Variants in SORL1 observed in about 807,000 individuals in gnomAD.
SORL1 encodes sortilin-related receptor.
A neutral mutation model predicts 273.7 loss-of-function variants in SORL1; 127 were observed. The observed-to-expected ratio is 0.46, with a 90% confidence interval of 0.40 to 0.54. SORL1 has a LOEUF of 0.54. SORL1 is among the 20% of genes least tolerant of loss of function. SORL1 has a pLI of 0.00. For missense variants in SORL1, 2,494 were observed against 2,846.1 expected (o/e 0.88, Z 2.81); for synonymous variants, 1,031 against 1,067.4 (o/e 0.97, Z 0.66).
intron 6 of SORL1, among the ~76,000 whole-genome samples, chr11:121,504,422 A>T (rs1364087752): frequency 1.3e-5 from 2 of 152,116 alleles, no homozygotes; most frequent in African/African-American, 4.8e-5. Flanking sequence ...AAAAAAAAAA[A>T]TTTCCTAAGT....
At chr11:121,586,358 A>G in intron 27 of SORL1, 29 bp downstream of exon 27, 20 of 1,518,998 alleles carry the variant, frequency 1.3e-5, no homozygotes, top group Non-Finnish European at 1.8e-5. Context: ...CCCAGGAAGC[A>G]CTCAGGCCTA....
chr11:121,510,852 TGGGAGG>T (rs2134841648), intron 6 of SORL1, among the ~76,000 whole-genome samples: 1 of 152,062 alleles, frequency 6.6e-6, no homozygotes, highest in East Asian at 1.9e-4. Flanking sequence ...CAGGGTAGAG[TGGGAGG>T]AGGGATGTGG....
rs140327834 is a variant in SORL1, at chr11:121,625,107, A to T, written c.6194A>T (p.Asp2065Val). Residue 2065 changes from aspartate to valine, a missense_variant, in exon 46 of 48, where the codon GAT becomes GTT. By Grantham distance (152) the Asp-to-Val change is radical. Around this residue, in one of 3 missense-constraint regions of SORL1, gnomAD observed 1,609 missense variants for 1,816.4 expected, o/e 0.89. Transcript: ENST00000260197. ...CAGGGCTATGAGATACACATGTTTG[A>T]TAGTGCCATGAATATCACAGCTTAC... ...ESRGYEIHMF[D>V]SAMNITAYLG... 3.3e-3 allele frequency: 5,264 copies of T among 1,612,590 alleles called. 14 individuals carry two copies. Among genetic ancestry groups the T allele is most frequent in the Non-Finnish European group, 4.0e-3 (4,681 of 1,178,932 alleles).
intron 18 of SORL1, among the ~76,000 whole-genome samples, chr11:121,556,722 G>A (rs1017111318): frequency 1.3e-5 from 2 of 152,216 alleles, no homozygotes; most frequent in Admixed American, 6.5e-5. Context: ...AGGCCTGGCA[G>A]TGAGGTTTGA....
At chr11:121,584,197 C>G (rs1041365526) in intron 26 of SORL1, among the ~76,000 whole-genome samples, 2 of 152,150 alleles carry the variant, frequency 1.3e-5, no homozygotes, top group Non-Finnish European at 2.9e-5. Flanking sequence ...AAGGTTCTGA[C>G]CAGTTTTTGA....
chr11:121,540,208 A>G (rs1254919126), intron 12 of SORL1, among the ~76,000 whole-genome samples: 8 of 152,154 alleles, frequency 5.3e-5, no homozygotes, highest in African/African-American at 1.9e-4. Flanking sequence ...GGTATCTACC[A>G]CACTTCTTCC....
intron 6 of SORL1, among the ~76,000 whole-genome samples, chr11:121,510,775 C>T (rs756089229): frequency 1.9e-4 from 29 of 152,116 alleles, no homozygotes; most frequent in Non-Finnish European, 3.4e-4. Context: ...TGTACATATG[C>T]TTGCATGTGG....
chr11:121,590,567 C>A, intron 30 of SORL1: 1 of 560,166 alleles, frequency 1.8e-6, no homozygotes, highest in South Asian at 2.1e-5. Flanking sequence ...ATTTGAGGAG[C>A]ACTCATGTGG....
At position 121,531,377 on chromosome 11, in the gene SORL1, G is replaced by C. The variant is rs142689623; in HGVS notation, c.1597-1087G>C. Among the ~76,000 whole-genome samples, 736 of 152,300 alleles carry C rather than the reference G, an allele frequency of 4.8e-3. 5 individuals are homozygous for C. The highest frequency in any genetic ancestry group is 0.017 in the African/African-American group (700 of 41,566). On this transcript the variant is annotated intron_variant, in intron 11 of 47. Transcript: ENST00000260197. The stretch of plus-strand genomic sequence containing the variant: ...CCACTGCACTCCAGCCTGGGCAACA[G>C]AGTGAGAATTTGTCTCAAAAAATAA...
At chr11:121,474,904 C>A (rs1861238748) in intron 2 of SORL1, among the ~76,000 whole-genome samples, 1 of 152,216 alleles carries the variant, frequency 6.6e-6, no homozygotes, top group South Asian at 2.1e-4. Context: ...TAACTGTGCA[C>A]CAGCTTTAAG....
At chr11:121,545,951 C>T (rs1266019640) in intron 14 of SORL1, among the ~76,000 whole-genome samples, 1 of 152,156 alleles carries the variant, frequency 6.6e-6, no homozygotes, top group African/African-American at 2.4e-5. Context: ...GCAAGTGCCT[C>T]AGAGGAGGAA....
At chr11:121,477,233 C>T (rs1443541538) in intron 2 of SORL1, among the ~76,000 whole-genome samples, 2 of 152,210 alleles carry the variant, frequency 1.3e-5, no homozygotes, top group Non-Finnish European at 2.9e-5. Context: ...CAGGTAGGTA[C>T]ATCTCACAGT....
chr11:121,614,173 T>A (rs989690556), intron 40 of SORL1: 6 of 152,262 alleles, frequency 3.9e-5, no homozygotes, highest in African/African-American at 1.4e-4. Context: ...GATACATATT[T>A]GTTTCAGAAA....
intron 16 of SORL1, among the ~76,000 whole-genome samples, chr11:121,553,134 G>T (rs1362772320): frequency 6.6e-6 from 1 of 152,210 alleles, no homozygotes; most frequent in Non-Finnish European, 1.5e-5. Flanking sequence ...TCTGGATCCA[G>T]AGTGCCTGGG....
intron 3 of SORL1, among the ~76,000 whole-genome samples, chr11:121,480,237 C>T (rs1288697320): frequency 6.6e-6 from 1 of 151,984 alleles, no homozygotes; most frequent in Non-Finnish European, 1.5e-5. Flanking sequence ...CAGATTTAAC[C>T]ATTAAACAAT....
At chr11:121,626,858 A>G (rs1863801996) in intron 46 of SORL1, 1 of 152,286 alleles carries the variant, frequency 6.6e-6, no homozygotes, top group African/African-American at 2.4e-5. Context: ...TTTGCCCTAG[A>G]GCCCTGGTGG....
chr11:121,570,178 A>G lies in SORL1; in HGVS notation c.3245A>G (p.Gln1082Arg). 6.2e-7 allele frequency: 1 copy of G among 1,613,900 alleles called. No homozygotes were observed. The highest frequency in any genetic ancestry group is 8.5e-7 in the Non-Finnish European group (1 of 1,179,780). ...GTAGAGAACACCTGTCTTCGCAACC[A>G]GTATCGCTGCAGCAACGGGAACTGT... ...VKQENTCLRN[Q>R]YRCSNGNCIN... Residue 1082 changes from glutamine to arginine, a missense_variant, in exon 23 of 48, where the codon CAG (glutamine) becomes CGG (arginine). Around this residue, in one of 3 missense-constraint regions of SORL1, gnomAD observed 1,609 missense variants for 1,816.4 expected, o/e 0.89. Coordinates refer to ENST00000260197, the MANE Select transcript of SORL1 (RefSeq NM_003105.6).
At position 121,562,073 on chromosome 11, in the gene SORL1, G is replaced by T. The variant is rs575190945; in HGVS notation, c.3049+2416G>T. ...ACACTGATAGGACACTTGCTTTTTT[G>T]GACATTGTATTACAGATCCACGGTG... On this transcript the variant is annotated intron_variant, in intron 21 of 47. Coordinates refer to ENST00000260197, the MANE Select transcript of SORL1 (RefSeq NM_003105.6). Among the ~76,000 whole-genome samples the T allele has an allele frequency of 2.0e-5, 3 of 152,002 alleles. No homozygotes were observed. In the East Asian group the frequency reaches 5.8e-4, roughly 29 times the overall value.
intron 2 of SORL1, among the ~76,000 whole-genome samples, chr11:121,472,826 G>A (rs1033236679): frequency 2.0e-5 from 3 of 152,168 alleles, no homozygotes; most frequent in Non-Finnish European, 4.4e-5. Context: ...TGGGTGTGGT[G>A]GTGGGTGCCT....
Sources: allele counts gnomAD v4.1 joint callset (sites outside exome capture counted in the v4.1 genomes callset), GRCh38; gene constraint gnomAD v4.1.1; regional missense constraint gnomAD v4.1.1; transcripts MANE v1.5; gene names NCBI Gene and HGNC (gene_info 2026-07-23, HGNC 2026-07-21).